CRYBG1: variants seen among roughly 807,000 people sequenced by gnomAD.
CRYBG1 encodes the protein crystallin beta-gamma domain containing 1, also known as beta/gamma crystallin domain-containing protein 1.
CRYBG1 carries 139 observed loss-of-function variants against 189.2 expected under a neutral mutation model. The ratio of observed to expected loss-of-function variants is 0.73; its 90% confidence interval spans 0.64 to 0.85. The LOEUF (loss-of-function observed/expected upper bound fraction) is 0.85, where lower values mean the gene tolerates loss of function less well. CRYBG1 is among the 40% of genes least tolerant of loss of function. CRYBG1 has a pLI of 0.00. For missense variants in CRYBG1, 2,611 were observed against 2,675.8 expected, an observed-to-expected ratio of 0.98 and a Z score of 0.53; for synonymous variants, 1,023 against 1,017.1, an observed-to-expected ratio of 1.01 and a Z score of -0.11.
intron 2 of CRYBG1, among the ~76,000 whole-genome samples, chr6:106,507,989 A>C (rs143048068): frequency 6.6e-6 from 1 of 152,198 alleles, no homozygotes; most frequent in Admixed American, 6.5e-5. Context: ...GCTCACATCT[A>C]TCATCCCAGC....
In CRYBG1 at chr6:106,511,741, CGCCGAGCTGTCA is replaced by C; in HGVS notation, c.625_636del (p.Ala209_Ser212del). The C allele has an allele frequency of 6.5e-7, 1 of 1,535,226 alleles. No homozygotes were observed. The highest frequency in any genetic ancestry group is 2.4e-5 in the East Asian group (1 of 40,872). On this transcript the variant is annotated inframe_deletion, in exon 3 of 22. Coordinates refer to ENST00000633556, the MANE Select transcript of CRYBG1 (RefSeq NM_001371242.2). The stretch of plus-strand genomic sequence containing the variant: ...GCGGTGGCCCCGCAGCCCCCCCTGA[CGCCGAGCTGTCA>C]CCTCGCTGGAGCAGCAGTGCAGCGG...
chr6:106,411,019 A>G (rs955827639), intron 1 of CRYBG1, among the ~76,000 whole-genome samples: 5 of 152,234 alleles, frequency 3.3e-5, no homozygotes, highest in Non-Finnish European at 7.3e-5. Context: ...AATAATTTAA[A>G]AAAAGAGTTT....
At chr6:106,442,819 A>T (rs1476597307) in intron 1 of CRYBG1, among the ~76,000 whole-genome samples, 3 of 152,228 alleles carry the variant, frequency 2.0e-5, no homozygotes, top group Non-Finnish European at 4.4e-5. Context: ...GTGATAAGTA[A>T]GCTAAAATAT....
At chr6:106,371,408 A>T (rs1582725589) in intron 1 of CRYBG1, among the ~76,000 whole-genome samples, 1 of 152,204 alleles carries the variant, frequency 6.6e-6, no homozygotes, top group Non-Finnish European at 1.5e-5. Flanking sequence ...AGGCTCACCC[A>T]GGCCTTGCCA....
At chr6:106,472,120 T>G (rs1772244389) in intron 2 of CRYBG1, among the ~76,000 whole-genome samples, 1 of 152,214 alleles carries the variant, frequency 6.6e-6, no homozygotes, top group African/African-American at 2.4e-5. Flanking sequence ...ATAAACTGTT[T>G]CTGCTTTATG....
At chr6:106,443,871 C>T (rs1771609600) in intron 1 of CRYBG1, among the ~76,000 whole-genome samples, 1 of 152,070 alleles carries the variant, frequency 6.6e-6, no homozygotes, top group Non-Finnish European at 1.5e-5. Context: ...TACAAACAAT[C>T]CAATTATTTT....
intron 1 of CRYBG1, among the ~76,000 whole-genome samples, chr6:106,433,726 T>A (rs886735205): frequency 1.8e-5 from 1 of 56,902 alleles, no homozygotes; most frequent in African/African-American, 1.1e-4. Flanking sequence ...GAAATATATA[T>A]ATATATATAC....
intron 3 of CRYBG1, 42 bp downstream of exon 3, chr6:106,513,081 A>C (rs775606758): frequency 1.4e-5 from 22 of 1,571,572 alleles, no homozygotes; most frequent in Non-Finnish European, 1.9e-5. Context: ...CTGTCCGCAC[A>C]CGTGCTGGGG....
intron 10 of CRYBG1, among the ~76,000 whole-genome samples, chr6:106,542,600 G>T (rs1482240558): frequency 7.0e-6 from 1 of 143,036 alleles, no homozygotes; most frequent in Non-Finnish European, 1.5e-5. Context: ...TTTAAAATAT[G>T]ATTAGAACAT....
At chr6:106,537,506 T>A (rs1774030992) in intron 8 of CRYBG1, among the ~76,000 whole-genome samples, 1 of 152,228 alleles carries the variant, frequency 6.6e-6, no homozygotes. Flanking sequence ...TACCCTATTC[T>A]TAGCGTCTGT....
intron 1 of CRYBG1, among the ~76,000 whole-genome samples, chr6:106,394,235 C>G (rs1409871553): frequency 1.3e-5 from 2 of 152,154 alleles, no homozygotes; most frequent in African/African-American, 4.8e-5. Context: ...TCCTTGTCCT[C>G]TTTACCCTTA....
Position 106,571,748 on chromosome 6 carries a change from A to G in CRYBG1, c.*3182A>G. On this transcript the variant is annotated 3_prime_UTR_variant, in exon 22 of 22. Transcript: ENST00000633556. ...TAGTAAAACAGAAGGTGCCACAACAACCTGCAAAGCCAGTGTGAAGGAACA... is the reference window on the plus strand; with the variant it reads ...TAGTAAAACAGAAGGTGCCACAACAGCCTGCAAAGCCAGTGTGAAGGAACA... The G allele has an allele frequency of 2.3e-6, 1 of 440,554 alleles. No homozygotes were observed. The highest frequency in any genetic ancestry group is 4.1e-6 in the Non-Finnish European group (1 of 245,048). The allele number at this position is 440,554 out of a possible 1,614,324, so 27.3% of individuals were successfully genotyped here. A position where few individuals can be genotyped will look rare whatever the true frequency, so the allele number is the denominator to read the frequency against.
At chr6:106,533,287 T>G (rs1482466604) in intron 8 of CRYBG1, among the ~76,000 whole-genome samples, 4 of 152,206 alleles carry the variant, frequency 2.6e-5, no homozygotes, top group Non-Finnish European at 4.4e-5. Context: ...CTGGGCATGC[T>G]TGGGCAATAG....
At position 106,564,917 on chromosome 6, in the gene CRYBG1, T is replaced by A. The variant is rs190920725; in HGVS notation, c.6301+991T>A. On this transcript the variant is annotated intron_variant, in intron 21 of 21. Transcript: ENST00000633556. Reference sequence around the variant, plus strand: ...ATACTACATACTCCATTAATTTTTTTAAATTTTTATGAGTATATTACATAC... The same window carrying A: ...ATACTACATACTCCATTAATTTTTTAAAATTTTTATGAGTATATTACATAC... 1.7e-3 allele frequency among the ~76,000 whole-genome samples: 254 copies of A among 152,350 alleles called. 2 individuals carry two copies. Among genetic ancestry groups the A allele is most frequent in the African/African-American group, 3.4e-3 (143 of 41,576 alleles).
intron 2 of CRYBG1, among the ~76,000 whole-genome samples, chr6:106,462,765 GT>G (rs1002400621): frequency 5.3e-5 from 8 of 152,344 alleles, no homozygotes; most frequent in African/African-American, 1.9e-4. Flanking sequence ...ATTGCTTTGT[GT>G]ATACTGGACT....
At chr6:106,544,145 C>T (rs918150974) in intron 11 of CRYBG1, among the ~76,000 whole-genome samples, 13 of 152,200 alleles carry the variant, frequency 8.5e-5, no homozygotes, top group African/African-American at 2.4e-4. Flanking sequence ...TTTGATAGTT[C>T]GCTTTCTGAT....
intron 1 of CRYBG1, among the ~76,000 whole-genome samples, chr6:106,433,467 T>C (rs1006425556): frequency 2.6e-5 from 4 of 152,076 alleles, no homozygotes; most frequent in Admixed American, 2.0e-4. Context: ...GTTCTATTGA[T>C]TCCAGTGCCT....
chr6:106,504,029 G>GAA (rs33971164), intron 2 of CRYBG1, among the ~76,000 whole-genome samples: 18,680 of 88,242 alleles, frequency 0.21, 1,993 homozygotes, highest in Admixed American at 0.33. Context: ...GACAGCATTA[G>GAA]AAAAAAAAAA....
Position 106,527,341 on chromosome 6 carries a change from C to T in CRYBG1, c.4449C>T (p.His1483=), listed in dbSNP as rs537895801. Residue 1483 remains histidine, a synonymous_variant, in exon 7 of 22, where the codon CAC becomes CAT. Coordinates refer to ENST00000633556, the MANE Select transcript of CRYBG1 (RefSeq NM_001371242.2). The part of the protein sequence containing the change: ...ILYEQPNFEG[H]SIPLEEGELE... ...ATGAGCAACCAAATTTTGAAGGGCA[C>T]TCCATCCCCTTAGAAGAAGGAGAAT... is the stretch of plus-strand genomic sequence containing the variant. 3 of 1,613,000 alleles carry T rather than the reference C, an allele frequency of 1.9e-6. No individual in the cohort carries two copies. In the East Asian group the frequency reaches 6.7e-5, roughly 36 times the overall value.
Sources: allele counts gnomAD v4.1 joint callset (sites outside exome capture counted in the v4.1 genomes callset), GRCh38; gene constraint gnomAD v4.1.1; transcripts MANE v1.5; gene names NCBI Gene and HGNC (gene_info 2026-07-23, HGNC 2026-07-21).